ALDH18A1: variants seen among roughly 807,000 people sequenced by gnomAD.
ALDH18A1 encodes aldehyde dehydrogenase 18 family member A1, also known as delta-1-pyrroline-5-carboxylate synthase.
Under a neutral mutation model 88.8 loss-of-function variants are expected in ALDH18A1, and 44 were observed. That is an observed-to-expected ratio of 0.50 (90% CI 0.39 to 0.64). ALDH18A1 has a LOEUF of 0.64. ALDH18A1 is among the 30% of genes least tolerant of loss of function. ALDH18A1 has a pLI of 0.00. For synonymous variants in ALDH18A1, 331 were observed against 372.1 expected (o/e 0.89, Z 1.27); for missense variants, 782 against 1,009.5 (o/e 0.77, Z 3.05).
rs181842263 is a variant in ALDH18A1, at chr10:95,655,902, A to C, written c.-29+695T>G. On this transcript the variant is annotated intron_variant, in intron 1 of 17. Coordinates refer to ENST00000371224, the MANE Select transcript of ALDH18A1 (RefSeq NM_002860.4). ...GTGAACCTCAGTCCCAGCACAGTTC[A>C]CCCACAAACACATGCTCGGTATATG... is the stretch of plus-strand genomic sequence containing the variant. 4.4e-3 allele frequency among the ~76,000 whole-genome samples: 670 copies of C among 152,238 alleles called. 2 individuals are homozygous for C. Among genetic ancestry groups the C allele is most frequent in the Middle Eastern group, 0.02 (6 of 294 alleles).
chr10:95,631,764 AAC>A lies in ALDH18A1; in HGVS notation c.808+1193_808+1194del, dbSNP rs1189869622. Among the ~76,000 whole-genome samples, 717 of 136,442 alleles carry A rather than the reference AAC, an allele frequency of 5.3e-3. 3 individuals carry two copies. The highest frequency in any genetic ancestry group is 0.019 in the African/African-American group (670 of 35,480). The allele number at this position is 136,442 out of a possible 152,430, so 89.5% of individuals were successfully genotyped here. ...CCTCAAAAAAAAAAAAAAAAAAAAA[AAC>A]AACTGAATAACAGCAATGATGTAAA... On this transcript the variant is annotated intron_variant, in intron 7 of 17. Transcript: ENST00000371224.
intron 2 of ALDH18A1, among the ~76,000 whole-genome samples, chr10:95,649,051 G>C (rs976566469): frequency 1.3e-5 from 2 of 150,548 alleles, no homozygotes; most frequent in African/African-American, 5.0e-5. Flanking sequence ...AAGTCATCTT[G>C]CAATGAAGCT....
At chr10:95,613,553 T>C (rs1255110199) in intron 15 of ALDH18A1, among the ~76,000 whole-genome samples, 189 bp downstream of exon 15, 1 of 152,218 alleles carries the variant, frequency 6.6e-6, no homozygotes, top group Non-Finnish European at 1.5e-5. Flanking sequence ...ATTTGTGTAT[T>C]GGTTTGGTTC....
intron 15 of ALDH18A1, among the ~76,000 whole-genome samples, chr10:95,611,970 A>G (rs1013235172): frequency 1.4e-4 from 17 of 123,638 alleles, no homozygotes; most frequent in African/African-American, 3.6e-4. Context: ...ACTCCGTCTC[A>G]AAGAAAAAAA....
intron 15 of ALDH18A1, among the ~76,000 whole-genome samples, chr10:95,613,254 T>C (rs1006444075): frequency 6.6e-6 from 1 of 152,328 alleles, no homozygotes; most frequent in Admixed American, 6.5e-5. Context: ...AGTAAAAACA[T>C]AATCCAGGGA....
chr10:95,631,513 G>A (rs1321450954), intron 7 of ALDH18A1, among the ~76,000 whole-genome samples: 1 of 152,104 alleles, frequency 6.6e-6, no homozygotes, highest in Non-Finnish European at 1.5e-5. Context: ...GGGAGGCTGA[G>A]GCAGGTGGAT....
Sources: allele counts gnomAD v4.1 joint callset (sites outside exome capture counted in the v4.1 genomes callset), GRCh38; gene constraint gnomAD v4.1.1; transcripts MANE v1.5; gene names NCBI Gene and HGNC (gene_info 2026-07-23, HGNC 2026-07-21).